Variants in DDHD2 observed in about 807,000 individuals in gnomAD.
The protein encoded by DDHD2 is triacylglycerol hydrolase DDHD2.
DDHD2 carries 62 observed loss-of-function variants against 91.2 expected under a neutral mutation model. The observed-to-expected ratio is 0.68, with a 90% confidence interval of 0.55 to 0.84. The LOEUF (loss-of-function observed/expected upper bound fraction) is 0.84, where lower values mean the gene tolerates loss of function less well. Among genes scored for constraint, DDHD2 ranks in the 40% least tolerant of loss-of-function variants. The pLI, the probability that DDHD2 is intolerant of heterozygous loss-of-function variation, is 0.00. For missense variants in DDHD2, 740 were observed against 846.9 expected (o/e 0.87, Z 1.57); for synonymous variants, 271 against 293.9 (o/e 0.92, Z 0.80).
At chr8:38,251,050 GT>G (rs900175381) in intron 11 of DDHD2, 1 of 152,128 alleles carries the variant, frequency 6.6e-6, no homozygotes, top group African/African-American at 2.4e-5. Flanking sequence ...TTATTAGTTA[GT>G]TTTTTTCTTT....
chr8:38,247,947 T>TAAA, intron 10 of DDHD2, 112 bp downstream of exon 10: 1 of 806,054 alleles, frequency 1.2e-6, no homozygotes, highest in Non-Finnish European at 1.9e-6. Context: ...ACTTTATGAT[T>TAAA]AATGTTCCTT....
At chr8:38,254,649 C>A (rs1162860591) in intron 16 of DDHD2, among the ~76,000 whole-genome samples, 1 of 152,126 alleles carries the variant, frequency 6.6e-6, no homozygotes, top group Non-Finnish European at 1.5e-5. Flanking sequence ...GAATTACAGG[C>A]ATGAGCCACC....
At chr8:38,252,403 C>T in intron 13 of DDHD2, 116 bp downstream of exon 13, 1 of 1,151,578 alleles carries the variant, frequency 8.7e-7, no homozygotes, top group Admixed American at 2.3e-5. Flanking sequence ...AGCAATGAGA[C>T]AACTTATAAT....
chr8:38,267,767 CA>C (rs1563328820), downstream of DDHD2: 2 of 1,007,480 alleles, frequency 2.0e-6, no homozygotes, highest in East Asian at 2.5e-5. Flanking sequence ...CGTTGAATGA[CA>C]AAAGAAAAAT....
intron 9 of DDHD2, among the ~76,000 whole-genome samples, chr8:38,246,607 T>G (rs991745099): frequency 2.0e-5 from 3 of 152,218 alleles, no homozygotes; most frequent in African/African-American, 7.2e-5. Context: ...TTTGAGAGGC[T>G]GAGACTGGTG....
downstream of DDHD2, chr8:38,264,151 A>ATTT: frequency 3.7e-5 from 32 of 861,930 alleles, no homozygotes; most frequent in East Asian, 2.1e-4. Flanking sequence ...GATAGATTCA[A>ATTT]TTTTTTTTTT....
At chr8:38,266,370 C>CTAG (rs1807589506), downstream of DDHD2, 13 of 1,442,796 alleles carry the variant, frequency 9.0e-6, no homozygotes, top group Admixed American at 2.6e-4. Context: ...CTCATTCATC[C>CTAG]CCACATAGGA....
intron 9 of DDHD2, 104 bp downstream of exon 9, chr8:38,246,404 G>GACATT: frequency 1.3e-6 from 1 of 766,234 alleles, no homozygotes; most frequent in Non-Finnish European, 2.2e-6. Flanking sequence ...TTCATGTCAT[G>GACATT]ACATTACATT....
In DDHD2 at chr8:38,252,755, G is replaced by C. The variant is rs1806212413; in HGVS notation, c.1651G>C (p.Val551Leu). The C allele has an allele frequency of 8.7e-6, 14 of 1,613,930 alleles. No homozygotes were observed. The highest frequency in any genetic ancestry group is 1.2e-5 in the Non-Finnish European group (14 of 1,179,910). ...DPVAYRIEPM[V>L]VPGVEFEPML... ...TGTGGCCTATAGGATTGAACCAATG[G>C]TGGTCCCAGGAGTGGAATTTGAGCC... The change falls in exon 14 of 18, where the codon GTG becomes CTG. Residue 551 changes from valine (V) to leucine (L), a missense_variant. Around this residue, in one of 2 missense-constraint regions of DDHD2, gnomAD observed 693 missense variants for 764.2 expected, o/e 0.91. Transcript: ENST00000397166.
chr8:38,233,251 C>T (rs1804434881), intron 2 of DDHD2, 37 bp downstream of exon 2: 1 of 1,509,262 alleles, frequency 6.6e-7, no homozygotes, highest in Admixed American at 1.8e-5. Context: ...GACAAAGACT[C>T]TCCCCTCTTC....
chr8:38,250,964 T>C (rs1806062372), intron 11 of DDHD2: 1 of 152,200 alleles, frequency 6.6e-6, no homozygotes, highest in Non-Finnish European at 1.5e-5. Context: ...CTTAGCATAA[T>C]ATTCTGAAGG....
At chr8:38,253,500 G>A (rs1207064308) in intron 15 of DDHD2, 56 bp from the exon 16 acceptor site, 2 of 1,510,892 alleles carry the variant, frequency 1.3e-6, no homozygotes, top group African/African-American at 2.8e-5. Context: ...AAGTTAACAG[G>A]ATAACCCTGA....
In DDHD2 at chr8:38,246,226, C is replaced by G; in HGVS notation, c.1058-7C>G. 6.3e-7 allele frequency: 1 copy of G among 1,591,168 alleles called. No homozygotes were observed. Among genetic ancestry groups the G allele is most frequent in the Non-Finnish European group, 8.6e-7 (1 of 1,160,670 alleles). ...AGAAATTGTCCCTTCTTCTATTTTA[C>G]TTATAGGTTCGCTTATATTGTTTGA... On this transcript the variant is annotated splice_region_variant and splice_polypyrimidine_tract_variant and intron_variant, in intron 8 of 17. Coordinates refer to ENST00000397166, the MANE Select transcript of DDHD2 (RefSeq NM_015214.3).
At chr8:38,266,060 G>A, downstream of DDHD2, 6 of 1,296,316 alleles carry the variant, frequency 4.6e-6, no homozygotes, top group Admixed American at 4.5e-5. Flanking sequence ...CAGATATTTA[G>A]TAAGCATCTC....
chr8:38,253,646 A>G lies in DDHD2; in HGVS notation c.1982A>G (p.Tyr661Cys), dbSNP rs201656753. 3.2e-4 allele frequency: 516 copies of G among 1,613,950 alleles called. No individual in the cohort carries two copies. The highest frequency in any genetic ancestry group is 4.2e-4 in the Non-Finnish European group (496 of 1,179,894). ...CTGAATGGAGGCCAACGCATTGACT[A>G]TGTGCTACAGGAGAAGCCTATTGAA... ...GMLNGGQRID[Y>C]VLQEKPIESF... is the part of the protein sequence containing the mutation. The change falls in exon 16 of 18, where the codon TAT becomes TGT. Residue 661 changes from tyrosine (Y) to cysteine (C), a missense_variant. Coordinates refer to ENST00000397166, the MANE Select transcript of DDHD2 (RefSeq NM_015214.3).
intron 10 of DDHD2, among the ~76,000 whole-genome samples, chr8:38,249,243 G>A (rs1007316995): frequency 6.6e-6 from 1 of 151,848 alleles, no homozygotes; most frequent in African/African-American, 2.4e-5. Context: ...CTCCTGTGTA[G>A]CTGGGAATAC....
chr8:38,268,432 CAG>C (rs750444684), intron 1 of DDHD2: 11 of 1,576,282 alleles, frequency 7.0e-6, no homozygotes, highest in Admixed American at 1.9e-5. Context: ...CCAGGAAGAT[CAG>C]AGACAGTGGA....
chr8:38,257,751 G>A (rs1450450807), intron 16 of DDHD2, among the ~76,000 whole-genome samples: 1 of 138,174 alleles, frequency 7.2e-6, no homozygotes, highest in African/African-American at 2.7e-5. Context: ...TGCAACCTCT[G>A]CCTGCCAGGT....
At chr8:38,240,526 A>G (rs1051520417) in intron 6 of DDHD2, among the ~76,000 whole-genome samples, 162 bp downstream of exon 6, 3 of 152,238 alleles carry the variant, frequency 2.0e-5, no homozygotes, top group African/African-American at 7.2e-5. Flanking sequence ...AAGTGCTAGG[A>G]AATTCCTGAG....
Sources: gnomAD v4.1 joint callset for allele counts (sites outside exome capture counted in the v4.1 genomes callset) on GRCh38, gnomAD v4.1.1 for gene constraint, gnomAD v4.1.1 regional missense constraint, MANE v1.5 for transcripts, NCBI Gene and HGNC (gene_info 2026-07-23, HGNC 2026-07-21) for gene names.